Variants in DZANK1 observed in about 807,000 individuals in gnomAD.
The protein encoded by DZANK1 is double zinc ribbon and ankyrin repeat-containing protein 1.
In DZANK1, 91 loss-of-function variants were observed where a neutral mutation model predicts 94.5. The observed-to-expected ratio is 0.96, with a 90% CI of 0.81 to 1.15. The LOEUF (loss-of-function observed/expected upper bound fraction) is 1.15. DZANK1 is among the 50% of genes most tolerant of loss of function. The pLI is 0.00. For synonymous variants in DZANK1, 312 were observed against 325.3 expected, an observed-to-expected ratio of 0.96 and a Z score of 0.44; for missense variants, 903 against 916.4, an observed-to-expected ratio of 0.99 and a Z score of 0.19.
At chr20:18,463,553 G>T (rs559421456) in intron 2 of DZANK1, among the ~76,000 whole-genome samples, 1 of 152,148 alleles carries the variant, frequency 6.6e-6, no homozygotes, top group East Asian at 1.9e-4. Context: ...TTTTCTTCTG[G>T]GTTACTGTTC....
chr20:18,460,114 A>C, intron 3 of DZANK1, 39 bp downstream of exon 3: 1 of 1,319,152 alleles, frequency 7.6e-7, no homozygotes, highest in Non-Finnish European at 1.0e-6. Context: ...TAATGTTATT[A>C]TATCATAAAT....
chr20:18,421,045 G>A lies in DZANK1; in HGVS notation c.955-5596C>T, dbSNP rs117992912. ...GATGGCTCTCTGGAGCCTGTCAAGC[G>A]TTTCAGTTTTATAATGAACCAGTAT... On this transcript the variant is annotated intron_variant, in intron 10 of 20. Coordinates refer to ENST00000262547, the Ensembl canonical transcript of DZANK1. 836 of 171,678 alleles carry A rather than the reference G, an allele frequency of 4.9e-3. 15 individuals carry two copies. In the South Asian group the frequency reaches 0.051, roughly 10 times the overall value. 10.6% of individuals were successfully genotyped at this position (171,678 alleles called of 1,614,324 possible).
chr20:18,427,254 A>G, intron 9 of DZANK1, 95 bp from the exon 10 acceptor site: 1 of 897,670 alleles, frequency 1.1e-6, no homozygotes. Context: ...ATTCAGCTAC[A>G]GGCCCTATTA....
chr20:18,449,252 A>T (rs1175434283), intron 6 of DZANK1, among the ~76,000 whole-genome samples, 183 bp from the exon 7 acceptor site: 2 of 152,132 alleles, frequency 1.3e-5, no homozygotes, highest in Admixed American at 6.5e-5. Context: ...AGGGCTGAAA[A>T]ATTACCTATT....
At chr20:18,434,979 C>T (rs2058460924) in intron 8 of DZANK1, among the ~76,000 whole-genome samples, 1 of 152,174 alleles carries the variant, frequency 6.6e-6, no homozygotes. Context: ...ATGATAGGGG[C>T]TTGATAGCTC....
intron 8 of DZANK1, among the ~76,000 whole-genome samples, chr20:18,439,329 G>A (rs2058644527): frequency 1.3e-5 from 2 of 152,198 alleles, no homozygotes; most frequent in African/African-American, 4.8e-5. Flanking sequence ...AGGAGATCCA[G>A]TCTCCCCTTA....
At chr20:18,453,167 C>T (rs1467493759) in intron 5 of DZANK1, among the ~76,000 whole-genome samples, 10 of 152,210 alleles carry the variant, frequency 6.6e-5, no homozygotes, top group Non-Finnish European at 1.5e-4. Context: ...TTGAAATTCT[C>T]AGTAAGAACG....
chr20:18,448,390 A>G (rs1302654684), intron 7 of DZANK1, among the ~76,000 whole-genome samples: 1 of 152,178 alleles, frequency 6.6e-6, no homozygotes, highest in Non-Finnish European at 1.5e-5. Flanking sequence ...GCGGGGGTAA[A>G]AGGAAGGGGT....
intron 7 of DZANK1, among the ~76,000 whole-genome samples, chr20:18,447,326 A>G (rs1481063499): frequency 6.6e-6 from 1 of 151,994 alleles, no homozygotes; most frequent in African/African-American, 2.4e-5. Context: ...AAAAAATACA[A>G]AAATTAGCCG....
intron 13 of DZANK1, among the ~76,000 whole-genome samples, chr20:18,403,849 G>T (rs940763098): frequency 6.7e-6 from 1 of 148,714 alleles, no homozygotes; most frequent in Non-Finnish European, 1.5e-5. Context: ...GCCCAGGTAG[G>T]AGTGCAGTGG....
rs1040668743 is a variant in DZANK1 at position 18,384,411 on chromosome 20, C to T, written c.2247G>A (p.Leu749=). Reference sequence around the variant, plus strand: ...GGAGGCCTCAGGGCTAACAGTCATCCAGGCTGAGGCTCCTAGTTTGAGCGA... The same window carrying T: ...GGAGGCCTCAGGGCTAACAGTCATCTAGGCTGAGGCTCCTAGTTTGAGCGA... The change falls in exon 21 of 21, where the codon CTG becomes CTA. Residue 749 remains leucine (L), a synonymous_variant. Coordinates refer to ENST00000262547, the Ensembl canonical transcript of DZANK1. The T allele has an allele frequency of 1.9e-6, 3 of 1,610,534 alleles. No individual in the cohort carries two copies. The African/African-American group carries it at 4.0e-5, about 22-fold the overall frequency.
intron 10 of DZANK1, among the ~76,000 whole-genome samples, chr20:18,424,159 G>A (rs2057920199): frequency 6.6e-6 from 1 of 152,128 alleles, no homozygotes; most frequent in South Asian, 2.1e-4. Context: ...TAAAATGATT[G>A]GTGATACCGG....
In DZANK1 at chr20:18,419,314, A is replaced by G. The variant is rs374230536; in HGVS notation, c.955-3865T>C. Among the ~76,000 whole-genome samples the G allele has an allele frequency of 1.1e-3, 170 of 152,292 alleles. 2 individuals carry two copies. The highest frequency in any genetic ancestry group is 3.8e-3 in the African/African-American group (156 of 41,564). On this transcript the variant is annotated intron_variant, in intron 10 of 20. Coordinates refer to ENST00000262547, the Ensembl canonical transcript of DZANK1. Reference sequence around the variant, plus strand: ...CTCAGGGACTTATTAGATAATATCAAACAATTCAACAGGTGTGTACATGGA... The same window carrying G: ...CTCAGGGACTTATTAGATAATATCAGACAATTCAACAGGTGTGTACATGGA...
intron 9 of DZANK1, chr20:18,432,903 T>C (rs2058341487): frequency 6.6e-6 from 1 of 152,228 alleles, no homozygotes; most frequent in Non-Finnish European, 1.5e-5. Flanking sequence ...CAAAGTTTTT[T>C]GGATGTAAGT....
At chr20:18,444,286 T>C (rs2058803718) in intron 7 of DZANK1, among the ~76,000 whole-genome samples, 1 of 152,214 alleles carries the variant, frequency 6.6e-6, no homozygotes. Flanking sequence ...TTTCACCATC[T>C]CTCTGGCATG....
chr20:18,425,119 T>C (rs1292798067), intron 10 of DZANK1, among the ~76,000 whole-genome samples: 1 of 152,214 alleles, frequency 6.6e-6, no homozygotes, highest in East Asian at 1.9e-4. Context: ...TGGCTATATA[T>C]AATTACCAAC....
At chr20:18,430,529 T>C (rs189028710) in intron 9 of DZANK1, among the ~76,000 whole-genome samples, 1 of 152,312 alleles carries the variant, frequency 6.6e-6, no homozygotes, top group Admixed American at 6.5e-5. Context: ...AAACGGCCAA[T>C]GGAGGCCAGG....
intron 13 of DZANK1, among the ~76,000 whole-genome samples, chr20:18,404,737 A>T (rs1162492610): frequency 1.3e-5 from 2 of 152,152 alleles, no homozygotes; most frequent in South Asian, 4.1e-4. Flanking sequence ...GAACTAAAGG[A>T]AATCATGCTT....
At chr20:18,419,355 T>C (rs994226485) in intron 10 of DZANK1, among the ~76,000 whole-genome samples, 2 of 145,514 alleles carry the variant, frequency 1.4e-5, no homozygotes, top group African/African-American at 5.1e-5. Context: ...AGACGGAGAG[T>C]AGAAAATGAG....
Sources: allele counts gnomAD v4.1 joint callset (sites outside exome capture counted in the v4.1 genomes callset), GRCh38; gene constraint gnomAD v4.1.1; transcripts MANE v1.5; gene names NCBI Gene and HGNC (gene_info 2026-07-23, HGNC 2026-07-21).